BECN1: variants seen among roughly 807,000 people sequenced by gnomAD.
BECN1 encodes beclin 1, also known as beclin-1.
BECN1 carries 15 observed loss-of-function variants against 60.1 expected under a neutral mutation model. That is an observed-to-expected ratio of 0.25 (90% confidence interval 0.17 to 0.38). The LOEUF (loss-of-function observed/expected upper bound fraction) is 0.38, where lower values mean the gene tolerates loss of function less well. Among genes scored for constraint, BECN1 ranks in the 10% least tolerant of loss-of-function variants. The pLI, the probability that BECN1 is intolerant of heterozygous loss-of-function variation, is 1.00. For synonymous variants in BECN1, 179 were observed against 201.8 expected, an observed-to-expected ratio of 0.89 and a Z score of 0.96; for missense variants, 424 against 548.2, an observed-to-expected ratio of 0.77 and a Z score of 2.26.
intron 2 of BECN1, among the ~76,000 whole-genome samples, chr17:42,822,314 T>C (rs950215204): frequency 2.0e-5 from 3 of 152,226 alleles, no homozygotes; most frequent in African/African-American, 7.2e-5. Context: ...TAAGTGTTTC[T>C]GTGGTTTGTC....
chr17:42,816,706 C>G (rs1339047908), intron 7 of BECN1, among the ~76,000 whole-genome samples: 1 of 151,186 alleles, frequency 6.6e-6, no homozygotes, highest in African/African-American at 2.4e-5. Flanking sequence ...TGCAGTGGCT[C>G]ACACCTGTAA....
chr17:42,820,268 C>T (rs1270369157), intron 3 of BECN1: 1 of 155,216 alleles, frequency 6.4e-6, no homozygotes, highest in African/African-American at 2.4e-5. Flanking sequence ...AATAGTATCT[C>T]ACAGGATGTT....
intron 10 of BECN1, 92 bp downstream of exon 10, chr17:42,813,856 T>G: frequency 3.2e-6 from 3 of 949,624 alleles, no homozygotes; most frequent in South Asian, 3.3e-5. Flanking sequence ...GTCTAAAAAA[T>G]AAATTGAATG....
chr17:42,819,296 A>C, intron 4 of BECN1: 1 of 497,214 alleles, frequency 2.0e-6, no homozygotes, highest in Non-Finnish European at 3.6e-6. Context: ...GTGATTGGTC[A>C]ATCACTCCCT....
chr17:42,812,295 A>T (rs1253725505), intron 10 of BECN1: 1 of 152,038 alleles, frequency 6.6e-6, no homozygotes, highest in East Asian at 1.9e-4. Context: ...GAGGCAGGGG[A>T]ATTGCTTGAA....
chr17:42,819,485 C>T, intron 4 of BECN1, 63 bp downstream of exon 4: 1 of 1,568,758 alleles, frequency 6.4e-7, no homozygotes, highest in Non-Finnish European at 8.7e-7. Flanking sequence ...GTCTCGATTC[C>T]TGGATTTAAT....
In BECN1 at chr17:42,814,507, A is replaced by G. The variant is rs747373422; in HGVS notation, c.980+17T>C. 6.2e-7 allele frequency: 1 copy of G among 1,614,000 alleles called. No homozygotes were observed. The highest frequency in any genetic ancestry group is 8.5e-7 in the Non-Finnish European group (1 of 1,179,954). On this transcript the variant is annotated intron_variant, in intron 9 of 11. Coordinates refer to ENST00000590099, the MANE Select transcript of BECN1 (RefSeq NM_001313998.2). ...ATCAATGCACATCACTCCCCAAGAA[A>G]GGGCTACACTTCCTACCTCTGAAAT...
chr17:42,810,955 T>C (rs771237927), intron 11 of BECN1, 27 bp from the exon 12 acceptor site: 1 of 1,547,288 alleles, frequency 6.5e-7, no homozygotes, highest in East Asian at 2.3e-5. Context: ...CAAAACTCAT[T>C]AGTAACTGAG....
At chr17:42,814,031 G>C (rs756312894) in intron 9 of BECN1, 23 bp from the exon 10 acceptor site, 1 of 1,534,910 alleles carries the variant, frequency 6.5e-7, no homozygotes, top group Non-Finnish European at 9.0e-7. Flanking sequence ...TACAAACAGA[G>C]ATGGATACAG....
At position 42,824,247 on chromosome 17, in the gene BECN1, A is replaced by G. The variant is rs2055342504; in HGVS notation, c.-95T>C. ...CCGGAGCGAGGCCTCCAGAACTACC[A>G]TCGCTCTGTCTTCAGCGACTTCCCG... On this transcript the variant is annotated 5_prime_UTR_variant, in exon 1 of 12. An upstream start codon of the reference 5' UTR is lost. Coordinates refer to ENST00000590099, the MANE Select transcript of BECN1 (RefSeq NM_001313998.2). 1 of 402,688 alleles carries G rather than the reference A, an allele frequency of 2.5e-6. No individual in the cohort carries two copies. Among genetic ancestry groups the G allele is most frequent in the South Asian group, 1.0e-4 (1 of 9,610 alleles). 24.9% of individuals were successfully genotyped at this position (402,688 alleles called of 1,614,324 possible). A position where few individuals can be genotyped will look rare whatever the true frequency, so the allele number is the denominator to read the frequency against.
intron 4 of BECN1, chr17:42,819,184 T>A: frequency 2.1e-6 from 1 of 474,236 alleles, no homozygotes; most frequent in Admixed American, 3.8e-5. Flanking sequence ...GAAAATATTA[T>A]ACCCCTTGCC....
intron 10 of BECN1, chr17:42,812,048 A>G: frequency 2.3e-6 from 1 of 439,522 alleles, no homozygotes; most frequent in South Asian, 4.5e-5. Flanking sequence ...AAAAATCCAA[A>G]TTGCTACAAA....
Position 42,813,978 on chromosome 17 carries a change from T to G in BECN1, c.1011A>C (p.Ser337=). ...RYRLVPYGNH[S]YLESLTDKSK... ...ATTTGTCTGTCAGAGACTCCAGATATGAATGGTTTCCGTAAGGAACAAGTC... is the reference window on the plus strand; with the variant it reads ...ATTTGTCTGTCAGAGACTCCAGATAGGAATGGTTTCCGTAAGGAACAAGTC... Residue 337 remains serine (S), a synonymous_variant, in exon 10 of 12, where the codon TCA becomes TCC. Transcript: ENST00000590099. The G allele has an allele frequency of 6.2e-7, 1 of 1,606,500 alleles. No individual in the cohort carries two copies. The highest frequency in any genetic ancestry group is 8.5e-7 in the Non-Finnish European group (1 of 1,174,650).
Position 42,815,958 on chromosome 17 carries a change from C to G in BECN1, c.780G>C (p.Gln260His). The G allele has an allele frequency of 6.2e-7, 1 of 1,614,174 alleles. No individual in the cohort carries two copies. The highest frequency in any genetic ancestry group is 8.5e-7 in the Non-Finnish European group (1 of 1,180,016). ...CGTTGGTTTTCTTCAGCTTATCCAG[C>G]TGCGTCTGGGCATAACGCATCTGGT... ...VENQMRYAQT[Q>H]LDKLKKTNVF... Residue 260 changes from glutamine (Q) to histidine (H), a missense_variant, in exon 8 of 12, where the codon CAG becomes CAC. This residue lies in a region of BECN1 where 326 missense variants were observed against 406.2 expected (regional missense o/e 0.80). Transcript: ENST00000590099.
intron 10 of BECN1, chr17:42,812,601 T>A (rs2055044409): frequency 6.8e-6 from 1 of 147,616 alleles, no homozygotes; most frequent in Non-Finnish European, 1.5e-5. Context: ...TAATCCCAGC[T>A]ACTCGGGAGG....
At chr17:42,818,911 G>A (rs200254510) in intron 4 of BECN1, 34 bp from the exon 5 acceptor site, 2 of 1,610,702 alleles carry the variant, frequency 1.2e-6, no homozygotes, top group East Asian at 2.2e-5. Flanking sequence ...GGCCACATGA[G>A]GGAACAGAGA....
At chr17:42,822,407 TAA>T (rs1480455632) in intron 2 of BECN1, among the ~76,000 whole-genome samples, 1 of 152,220 alleles carries the variant, frequency 6.6e-6, no homozygotes, top group African/African-American at 2.4e-5. Flanking sequence ...AGAAATGAAG[TAA>T]CTTGCAAAAA....
At chr17:42,819,516 G>A (rs763955107) in intron 4 of BECN1, 32 bp downstream of exon 4, 5 of 1,606,788 alleles carry the variant, frequency 3.1e-6, no homozygotes, top group African/African-American at 1.3e-5. Flanking sequence ...CTAGCCTTTG[G>A]CAAGGAATGG....
Position 42,815,864 on chromosome 17 carries a change from G to A in BECN1, c.830+44C>T, listed in dbSNP as rs770063502. On this transcript the variant is annotated intron_variant, in intron 8 of 11. Coordinates refer to ENST00000590099, the MANE Select transcript of BECN1 (RefSeq NM_001313998.2). ...CCCAGGCTTAGTGGTCAACAGCTAAGGTCTAGATATGTGCAGTGCTCCTCA... is the reference window on the plus strand; with the variant it reads ...CCCAGGCTTAGTGGTCAACAGCTAAAGTCTAGATATGTGCAGTGCTCCTCA... The A allele has an allele frequency of 6.2e-6, 10 of 1,613,444 alleles. No individual in the cohort carries two copies. In the South Asian group the frequency reaches 1.1e-4, roughly 18 times the overall value.
Sources: allele counts gnomAD v4.1 joint callset (sites outside exome capture counted in the v4.1 genomes callset), GRCh38; gene constraint gnomAD v4.1.1; regional missense constraint gnomAD v4.1.1; transcripts MANE v1.5; gene names NCBI Gene and HGNC (gene_info 2026-07-23, HGNC 2026-07-21).